C1GALT1: variants seen among roughly 807,000 people sequenced by gnomAD.
The protein encoded by C1GALT1 is glycoprotein-N-acetylgalactosamine 3-beta-galactosyltransferase 1.
Under a neutral mutation model 31.0 loss-of-function variants are expected in C1GALT1, and 11 were observed. That is an observed-to-expected ratio of 0.36 (90% CI 0.22 to 0.59). C1GALT1 has a LOEUF of 0.59. Among genes scored for constraint, C1GALT1 ranks in the 20% least tolerant of loss-of-function variants. The pLI is 0.79. For missense variants in C1GALT1, 424 were observed against 425.2 expected (o/e 1.00, Z 0.03); for synonymous variants, 175 against 143.6 (o/e 1.22, Z -1.56).
intron 1 of C1GALT1, among the ~76,000 whole-genome samples, chr7:7,209,257 T>C (rs906447600): frequency 2.0e-5 from 3 of 152,270 alleles, no homozygotes; most frequent in African/African-American, 4.8e-5. Context: ...ATTATCTGCA[T>C]ATAAAAAGTG....
chr7:7,165,743 C>T (rs1046700068), intron 2 of C1GALT1, among the ~76,000 whole-genome samples: 4 of 152,062 alleles, frequency 2.6e-5, no homozygotes, highest in African/African-American at 9.7e-5. Context: ...AATCCAAAAA[C>T]CCAAAATCTG....
intron 2 of C1GALT1, among the ~76,000 whole-genome samples, chr7:7,236,186 C>T (rs1390216339): frequency 6.6e-6 from 1 of 152,232 alleles, no homozygotes; most frequent in African/African-American, 2.4e-5. Context: ...GGCTCAGGCT[C>T]CCTGAATGGA....
At chr7:7,172,881 A>G (rs1032680813) in intron 2 of C1GALT1, among the ~76,000 whole-genome samples, 2 of 152,222 alleles carry the variant, frequency 1.3e-5, no homozygotes, top group Admixed American at 6.5e-5. Flanking sequence ...AGTTTTGACC[A>G]ATGTATAATG....
intron 1 of C1GALT1, chr7:7,210,598 G>A (rs1272461667): frequency 6.5e-6 from 1 of 152,770 alleles, no homozygotes; most frequent in African/African-American, 2.4e-5. Context: ...GGCTGGAGAA[G>A]GTGGTGTTCG....
chr7:7,204,666 C>G (rs896034269), intron 1 of C1GALT1, among the ~76,000 whole-genome samples: 1 of 151,922 alleles, frequency 6.6e-6, no homozygotes, highest in Non-Finnish European at 1.5e-5. Flanking sequence ...TGAGAACTTT[C>G]TTTTTGTTTC....
chr7:7,207,430 G>T (rs1433110252), intron 1 of C1GALT1, among the ~76,000 whole-genome samples: 2 of 130,784 alleles, frequency 1.5e-5, no homozygotes. Flanking sequence ...TCCCATCCCA[G>T]CTTCCTGGGT....
At chr7:7,173,459 A>G (rs1339091235) in intron 2 of C1GALT1, among the ~76,000 whole-genome samples, 1 of 152,188 alleles carries the variant, frequency 6.6e-6, no homozygotes. Flanking sequence ...TAGCAATGCA[A>G]GAATGGATTA....
At chr7:7,236,513 T>C (rs1191093623) in intron 2 of C1GALT1, among the ~76,000 whole-genome samples, 1 of 152,088 alleles carries the variant, frequency 6.6e-6, no homozygotes, top group Admixed American at 6.6e-5. Flanking sequence ...CAGAGGGACA[T>C]GAGAATTTTT....
chr7:7,210,729 G>A (rs1351994451), intron 1 of C1GALT1, among the ~76,000 whole-genome samples: 1 of 152,070 alleles, frequency 6.6e-6, no homozygotes, highest in African/African-American at 2.4e-5. Context: ...GATGTTCTAC[G>A]CTCGTCGGGA....
chr7:7,243,291 A>G (rs1783709079), intron 3 of C1GALT1, among the ~76,000 whole-genome samples: 2 of 152,156 alleles, frequency 1.3e-5, no homozygotes, highest in African/African-American at 4.8e-5. Flanking sequence ...ATTTAAAAAT[A>G]CTTTCCACAG....
At chr7:7,235,518 T>C (rs1221526766) in intron 2 of C1GALT1, among the ~76,000 whole-genome samples, 2 of 152,242 alleles carry the variant, frequency 1.3e-5, no homozygotes, top group Non-Finnish European at 2.9e-5. Flanking sequence ...GTTTGGTCAC[T>C]GTGTATTTGC....
rs141160606 is a variant in C1GALT1, at chr7:7,211,671, A to G, written c.-17-22632A>G. Among the ~76,000 whole-genome samples, 15 of 152,366 alleles carry G rather than the reference A, an allele frequency of 9.8e-5. No individual in the cohort carries two copies. In the East Asian group the frequency reaches 1.3e-3, roughly 14 times the overall value. On this transcript the variant is annotated intron_variant, in intron 1 of 3. Transcript: ENST00000436587. ...CAAGATAATTTCCCTTTGGTGGTCT[A>G]TGAAGCTTTGGTTTTATTTTCCTAA...
intron 1 of C1GALT1, among the ~76,000 whole-genome samples, chr7:7,222,617 C>G (rs1782561122): frequency 6.6e-6 from 1 of 152,070 alleles, no homozygotes; most frequent in African/African-American, 2.4e-5. Flanking sequence ...CATTTTTGTG[C>G]TAATTGAGAC....
intron 1 of C1GALT1, among the ~76,000 whole-genome samples, chr7:7,202,270 G>A (rs143419400): frequency 1.2e-4 from 19 of 152,232 alleles, no homozygotes; most frequent in Admixed American, 3.9e-4. Flanking sequence ...GTACGTTCCC[G>A]TGGTAGTAGT....
chr7:7,222,910 G>GTTTT (rs35730541), intron 1 of C1GALT1, among the ~76,000 whole-genome samples: 77,540 of 150,782 alleles, frequency 0.51, 20,973 homozygotes, highest in East Asian at 0.71. Flanking sequence ...GTTTTTTTTT[G>GTTTT]GTTTTATGCT....
intron 1 of C1GALT1, among the ~76,000 whole-genome samples, chr7:7,212,118 C>T (rs959932053): frequency 8.5e-5 from 13 of 152,316 alleles, no homozygotes; most frequent in African/African-American, 2.9e-4. Flanking sequence ...TTAGATAAGA[C>T]CTTTAAAGCC....
chr7:7,224,472 G>C (rs12702596), intron 1 of C1GALT1, among the ~76,000 whole-genome samples: 33 of 151,932 alleles, frequency 2.2e-4, no homozygotes, highest in Non-Finnish European at 2.8e-4. Flanking sequence ...GGTCAGGGGC[G>C]GGGGGTGAGG....
chr7:7,220,413 T>A (rs1292209250), intron 1 of C1GALT1, among the ~76,000 whole-genome samples: 1 of 152,244 alleles, frequency 6.6e-6, no homozygotes, highest in Non-Finnish European at 1.5e-5. Context: ...GACCTGTATC[T>A]CCAACAGCTT....
intron 1 of C1GALT1, among the ~76,000 whole-genome samples, chr7:7,187,408 C>T (rs1299785139): frequency 6.6e-6 from 1 of 150,376 alleles, no homozygotes; most frequent in African/African-American, 2.5e-5. Context: ...TGCCACCATG[C>T]CCAGCTAATT....
Sources: allele counts gnomAD v4.1 joint callset (sites outside exome capture counted in the v4.1 genomes callset), GRCh38; gene constraint gnomAD v4.1.1; transcripts MANE v1.5; gene names NCBI Gene and HGNC (gene_info 2026-07-23, HGNC 2026-07-21).